RSPO2: variants seen among roughly 807,000 people sequenced by gnomAD.
The protein encoded by RSPO2 is R-spondin 2, also known as R-spondin-2.
RSPO2 carries 14 observed loss-of-function variants against 30.9 expected under a neutral mutation model. The ratio of observed to expected loss-of-function variants is 0.45; its 90% confidence interval spans 0.30 to 0.71. The LOEUF (loss-of-function observed/expected upper bound fraction) is 0.71, where lower values mean the gene tolerates loss of function less well. RSPO2 is among the 30% of genes least tolerant of loss of function. The pLI, the probability that RSPO2 is intolerant of heterozygous loss-of-function variation, is 0.08. For synonymous variants in RSPO2, 107 were observed against 96.4 expected (o/e 1.11, Z -0.64); for missense variants, 264 against 301.9 (o/e 0.87, Z 0.93).
chr8:107,927,045 ATTTG>A (rs1812400280), intron 5 of RSPO2, among the ~76,000 whole-genome samples: 1 of 152,106 alleles, frequency 6.6e-6, no homozygotes, highest in Non-Finnish European at 1.5e-5. Context: ...ATGTTCTTCC[ATTTG>A]TTTGTGTCCT....
At chr8:108,030,679 TATCCAAGC>T (rs1811392486) in intron 2 of RSPO2, among the ~76,000 whole-genome samples, 1 of 152,124 alleles carries the variant, frequency 6.6e-6, no homozygotes, top group Non-Finnish European at 1.5e-5. Flanking sequence ...GATAAAGGTG[TATCCAAGC>T]ATCTGTGGGA....
At chr8:108,056,914 G>A (rs541303620) in intron 2 of RSPO2, among the ~76,000 whole-genome samples, 16 of 150,488 alleles carry the variant, frequency 1.1e-4, no homozygotes, top group South Asian at 2.1e-4. Context: ...AAAATTAGCC[G>A]GGCATGGTGG....
Position 107,944,367 on chromosome 8 carries a change from T to C in RSPO2, c.616+13713A>G, listed in dbSNP as rs567149913. ...ACCTTATACTATATTTAAGTATATA[T>C]AATTTGTATATCTAAATGAAAGATT... is the stretch of plus-strand genomic sequence containing the variant. On this transcript the variant is annotated intron_variant, in intron 5 of 5. Coordinates refer to ENST00000276659, the MANE Select transcript of RSPO2 (RefSeq NM_178565.5). 2.6e-5 allele frequency among the ~76,000 whole-genome samples: 4 copies of C among 152,286 alleles called. No homozygotes were observed. The South Asian group carries it at 8.3e-4, about 32-fold the overall frequency.
intron 2 of RSPO2, among the ~76,000 whole-genome samples, chr8:107,993,557 T>C (rs1317012182): frequency 6.6e-6 from 1 of 152,098 alleles, no homozygotes; most frequent in Non-Finnish European, 1.5e-5. Context: ...GACTACTACA[T>C]GCCTTTGAGG....
At chr8:107,998,417 A>G (rs890526689) in intron 2 of RSPO2, among the ~76,000 whole-genome samples, 3 of 152,204 alleles carry the variant, frequency 2.0e-5, no homozygotes, top group Non-Finnish European at 4.4e-5. Flanking sequence ...TTAATGTGCC[A>G]CACAAGATTT....
In RSPO2 at chr8:107,989,060, A is replaced by G. The variant is rs1193475767; in HGVS notation, c.279T>C (p.Cys93=). Residue 93 remains cysteine, a synonymous_variant, in exon 3 of 6, where the codon TGT becomes TGC. Coordinates refer to ENST00000276659, the MANE Select transcript of RSPO2 (RefSeq NM_178565.5). ...YGHRAPDMNR[C]ARCRIENCDS... ...TAGACAAAACCAAATGCTCACTTGCACATCTGTTCATATCTGGGGCTCGGT... is the reference window on the plus strand; with the variant it reads ...TAGACAAAACCAAATGCTCACTTGCGCATCTGTTCATATCTGGGGCTCGGT... The G allele has an allele frequency of 1.8e-5, 29 of 1,599,966 alleles. No individual in the cohort carries two copies. Among genetic ancestry groups the G allele is most frequent in the Non-Finnish European group, 2.3e-5 (27 of 1,176,332 alleles).
chr8:107,926,960 G>A (rs1351840518), intron 5 of RSPO2, among the ~76,000 whole-genome samples: 2 of 152,054 alleles, frequency 1.3e-5, no homozygotes, highest in Non-Finnish European at 2.9e-5. Flanking sequence ...GATGGGGATG[G>A]CATTGAATCT....
At chr8:107,993,743 G>T (rs577639636) in intron 2 of RSPO2, among the ~76,000 whole-genome samples, 1 of 152,148 alleles carries the variant, frequency 6.6e-6, no homozygotes, top group South Asian at 2.1e-4. Context: ...TCAGCAGGGC[G>T]TGCTTCCTCT....
intron 2 of RSPO2, among the ~76,000 whole-genome samples, chr8:108,066,230 T>C (rs1217888722): frequency 6.6e-6 from 1 of 152,150 alleles, no homozygotes; most frequent in East Asian, 1.9e-4. Flanking sequence ...AATATTTTCC[T>C]TCCTCTCCTC....
At chr8:107,928,325 A>G (rs1812449295) in intron 5 of RSPO2, among the ~76,000 whole-genome samples, 1 of 152,202 alleles carries the variant, frequency 6.6e-6, no homozygotes, top group South Asian at 2.1e-4. Context: ...TAGCTGACAA[A>G]GTTTGAATAA....
intron 5 of RSPO2, among the ~76,000 whole-genome samples, chr8:107,938,140 C>A (rs989093872): frequency 2.6e-5 from 4 of 152,052 alleles, no homozygotes; most frequent in African/African-American, 9.7e-5. Context: ...CCACATTAAG[C>A]TAAAAATTTT....
At chr8:107,993,506 G>T (rs964168473) in intron 2 of RSPO2, among the ~76,000 whole-genome samples, 1 of 152,070 alleles carries the variant, frequency 6.6e-6, no homozygotes, top group Non-Finnish European at 1.5e-5. Flanking sequence ...TTTATATTAG[G>T]GTCAAAGGCA....
intron 2 of RSPO2, among the ~76,000 whole-genome samples, chr8:108,032,016 C>T (rs532536847): frequency 6.6e-6 from 1 of 152,294 alleles, no homozygotes; most frequent in East Asian, 1.9e-4. Flanking sequence ...ACAGTTGGTA[C>T]AGATTGTAGC....
chr8:107,974,470 T>C (rs1814138540), intron 3 of RSPO2, among the ~76,000 whole-genome samples: 1 of 152,110 alleles, frequency 6.6e-6, no homozygotes, highest in Non-Finnish European at 1.5e-5. Flanking sequence ...GCTGAAATTG[T>C]GCCACTGCAC....
intron 2 of RSPO2, among the ~76,000 whole-genome samples, chr8:108,031,259 A>G (rs1811412564): frequency 6.6e-6 from 1 of 152,216 alleles, no homozygotes; most frequent in Non-Finnish European, 1.5e-5. Context: ...AAGATTGCAA[A>G]GATTTTGCAT....
chr8:107,912,387 G>C (rs1406232319), intron 5 of RSPO2, among the ~76,000 whole-genome samples: 10 of 152,168 alleles, frequency 6.6e-5, no homozygotes, highest in African/African-American at 2.4e-4. Flanking sequence ...CCCTTCCCTG[G>C]GATCTATTTG....
chr8:108,003,682 A>T (rs1377199451), intron 2 of RSPO2, among the ~76,000 whole-genome samples: 3 of 152,098 alleles, frequency 2.0e-5, no homozygotes. Flanking sequence ...AAAAGAAAAA[A>T]AATTAACCCC....
chr8:107,925,562 A>AC (rs1812338628), intron 5 of RSPO2, among the ~76,000 whole-genome samples: 1 of 139,818 alleles, frequency 7.2e-6, no homozygotes, highest in African/African-American at 2.7e-5. Flanking sequence ...CCCTCCTCCC[A>AC]CCCCACATCA....
chr8:108,004,919 T>A (rs1269420788), intron 2 of RSPO2, among the ~76,000 whole-genome samples: 1 of 152,178 alleles, frequency 6.6e-6, no homozygotes, highest in East Asian at 1.9e-4. Flanking sequence ...GCCAACAATG[T>A]CCTTTATAGT....
Sources: gnomAD v4.1 joint callset for allele counts (sites outside exome capture counted in the v4.1 genomes callset) on GRCh38, gnomAD v4.1.1 for gene constraint, MANE v1.5 for transcripts, NCBI Gene and HGNC (gene_info 2026-07-23, HGNC 2026-07-21) for gene names.